C6: variants seen among roughly 807,000 people sequenced by gnomAD.
The protein encoded by C6 is complement C6, also known as complement component C6.
A neutral mutation model predicts 112.9 loss-of-function variants in C6; 101 were observed. The observed-to-expected ratio is 0.89, with a 90% CI of 0.76 to 1.06. The LOEUF is 1.06. Ranked by LOEUF, C6 falls within the 50% of genes least tolerant of loss-of-function variation. The pLI, the probability that C6 is intolerant of heterozygous loss-of-function variation, is 0.00. For missense variants in C6, 1,202 were observed against 1,104.6 expected (o/e 1.09, Z -1.25); for synonymous variants, 431 against 384.1 (o/e 1.12, Z -1.43).
At position 41,142,444 on chromosome 5, in the gene C6, GA is replaced by G. The variant is rs1243521354; in HGVS notation, c.*380del. The G allele has an allele frequency of 4.3e-6, 1 of 231,746 alleles. No individual in the cohort carries two copies. 14.4% of individuals were successfully genotyped at this position (231,746 alleles called of 1,614,324 possible). A position where few individuals can be genotyped will look rare whatever the true frequency, so the allele number is the denominator to read the frequency against. ...TCAAGAATGTGTTTCAGAGGTTCTGGAGATTTCTGTTTATTAACTCATTGAA... is the reference window on the plus strand; with the variant it reads ...TCAAGAATGTGTTTCAGAGGTTCTGGGATTTCTGTTTATTAACTCATTGAA... On this transcript the variant is annotated 3_prime_UTR_variant, in exon 18 of 18. Transcript: ENST00000337836.
At chr5:41,234,337 C>CA (rs1740100456) in intron 1 of C6, among the ~76,000 whole-genome samples, 2 of 139,126 alleles carry the variant, frequency 1.4e-5, no homozygotes, top group African/African-American at 5.9e-5. Context: ...TCTACCCTTT[C>CA]GTTTTTTTTT....
chr5:41,183,359 A>G (rs1274949241), intron 6 of C6, among the ~76,000 whole-genome samples: 1 of 152,082 alleles, frequency 6.6e-6, no homozygotes, highest in African/African-American at 2.4e-5. Context: ...CTGTGTTTTG[A>G]CCAACAAATA....
At chr5:41,150,866 A>G (rs1320849747) in intron 15 of C6, among the ~76,000 whole-genome samples, 1 of 149,178 alleles carries the variant, frequency 6.7e-6, no homozygotes, top group South Asian at 2.2e-4. Context: ...AGCCTGGGCA[A>G]CAGAGTAAGA....
chr5:41,222,165 CA>C (rs111738334), intron 1 of C6, among the ~76,000 whole-genome samples: 12,664 of 110,114 alleles, frequency 0.12, 934 homozygotes, highest in African/African-American at 0.25. Flanking sequence ...GACTCCATCT[CA>C]AAAAAAAAAA....
intron 5 of C6, chr5:41,186,495 G>T: frequency 2.6e-6 from 1 of 377,846 alleles, no homozygotes. Flanking sequence ...AATTTTTTAT[G>T]ACTTACAAAG....
Position 41,153,828 on chromosome 5 carries a change from A to G in C6, c.2272T>C (p.Ser758Pro), listed in dbSNP as rs1396300969. The G allele has an allele frequency of 6.2e-7, 1 of 1,612,956 alleles. No individual in the cohort carries two copies. The highest frequency in any genetic ancestry group is 1.7e-5 in the Admixed American group (1 of 59,968). The change falls in exon 15 of 18, where the codon TCT becomes CCT. Residue 758 changes from serine to proline, a missense_variant. Ser to Pro is a moderately conservative substitution (Grantham distance 74). Transcript: ENST00000337836. Reference sequence around the variant, plus strand: ...TACTCACCTTTTTCACAGGTGAGAGAGTTTGAAATGGGTGGTGTCCAGGAA... The same window carrying G: ...TACTCACCTTTTTCACAGGTGAGAGGGTTTGAAATGGGTGGTGTCCAGGAA... ...GNSWTPPISN[S>P]LTCEKDTLTK...
chr5:41,218,930 C>T (rs1420335501), intron 1 of C6, among the ~76,000 whole-genome samples: 1 of 152,132 alleles, frequency 6.6e-6, no homozygotes, highest in Non-Finnish European at 1.5e-5. Flanking sequence ...TTTCATAAGG[C>T]CCACCTTTTC....
At chr5:41,254,570 G>A (rs566893260) in intron 1 of C6, among the ~76,000 whole-genome samples, 2 of 152,200 alleles carry the variant, frequency 1.3e-5, no homozygotes, top group East Asian at 3.9e-4. Context: ...CTACCAAGTG[G>A]AGAGTGAAGA....
chr5:41,201,600 A>G lies in C6; in HGVS notation c.258T>C (p.Asp86=), dbSNP rs775409541. The change falls in exon 3 of 18, where the codon GAT becomes GAC. Residue 86 remains aspartate (D), a synonymous_variant. Transcript: ENST00000337836. ...GGTCACAGTCTGACCATGGTCCAAA[A>G]TCTCCCAGGAGGCAGTTGATGGGGC... ...QRCPINCLLG[D]FGPWSDCDPC... is the part of the protein sequence containing the mutation. 4.3e-6 allele frequency: 7 copies of G among 1,613,628 alleles called. No individual in the cohort carries two copies. The highest frequency in any genetic ancestry group is 3.3e-5 in the South Asian group (3 of 91,070).
chr5:41,156,483 A>G (rs557564406), intron 13 of C6, among the ~76,000 whole-genome samples: 15 of 152,334 alleles, frequency 9.8e-5, no homozygotes, highest in Admixed American at 4.6e-4. Flanking sequence ...TGCTGAAAGA[A>G]TACAAAACAT....
chr5:41,205,116 C>A (rs569838435), intron 1 of C6, among the ~76,000 whole-genome samples: 1 of 152,088 alleles, frequency 6.6e-6, no homozygotes, highest in Non-Finnish European at 1.5e-5. Context: ...GAAATAGAAG[C>A]CTTTATCACT....
chr5:41,198,635 A>C (rs1227704021), intron 4 of C6, among the ~76,000 whole-genome samples: 1 of 152,188 alleles, frequency 6.6e-6, no homozygotes, highest in Non-Finnish European at 1.5e-5. Flanking sequence ...CTGTGCTTAC[A>C]CTGCTAACCT....
intron 1 of C6, among the ~76,000 whole-genome samples, chr5:41,241,629 C>T (rs1300035217): frequency 1.3e-5 from 2 of 152,182 alleles, no homozygotes; most frequent in Middle Eastern, 3.4e-3. Context: ...TTCATAAAGC[C>T]TACTTGTGGT....
intron 1 of C6, among the ~76,000 whole-genome samples, chr5:41,210,351 G>A (rs1354060521): frequency 6.6e-6 from 1 of 152,162 alleles, no homozygotes; most frequent in Non-Finnish European, 1.5e-5. Context: ...GGCAACAAAA[G>A]CCAAAATTGA....
chr5:41,203,223 C>A lies in C6; in HGVS notation c.8G>T (p.Arg3Ile), dbSNP rs777030578. The A allele has an allele frequency of 1.5e-5, 24 of 1,614,030 alleles. No homozygotes were observed. Among genetic ancestry groups the A allele is most frequent in the Non-Finnish European group, 2.0e-5 (24 of 1,179,984 alleles). ...CAGGATGAAGTACAAGACAGAGCGTCTGGCCATGCCTTGAGAGCCTCCAGG... is the reference window on the plus strand; with the variant it reads ...CAGGATGAAGTACAAGACAGAGCGTATGGCCATGCCTTGAGAGCCTCCAGG... MA[R>I]RSVLYFILLN... Residue 3 changes from arginine to isoleucine, a missense_variant, in exon 2 of 18, where the codon AGA (arginine) becomes ATA (isoleucine). Physicochemically the swap from Arg to Ile is moderately conservative, Grantham distance 97. Coordinates refer to ENST00000337836, the MANE Select transcript of C6 (RefSeq NM_000065.5).
intron 1 of C6, among the ~76,000 whole-genome samples, chr5:41,254,645 G>A (rs1238312092): frequency 1.3e-5 from 2 of 152,170 alleles, no homozygotes; most frequent in Non-Finnish European, 2.9e-5. Flanking sequence ...ATAGATCAGA[G>A]ATTACCACTG....
rs766498964 is a variant in C6 at position 41,199,844 on chromosome 5, G to A, written c.369C>T (p.Ala123=). Residue 123 remains alanine, a synonymous_variant, in exon 4 of 18, where the codon GCC becomes GCT. Transcript: ENST00000337836. ...GGQPCTAPLV[A]FQPCIPSKLC... Reference sequence around the variant, plus strand: ...GCTTAGATGGAATGCATGGTTGAAAGGCTACCAGAGGCGCAGTGCATGGCT... The same window carrying A: ...GCTTAGATGGAATGCATGGTTGAAAAGCTACCAGAGGCGCAGTGCATGGCT... 9.3e-6 allele frequency: 15 copies of A among 1,613,542 alleles called. No individual in the cohort carries two copies. In the Admixed American group the frequency reaches 1.7e-4, roughly 18 times the overall value.
At chr5:41,248,462 T>TA (rs1741152431) in intron 1 of C6, among the ~76,000 whole-genome samples, 1 of 152,112 alleles carries the variant, frequency 6.6e-6, no homozygotes, top group Non-Finnish European at 1.5e-5. Flanking sequence ...ATTAGGAACT[T>TA]AAACAATTGA....
At chr5:41,163,916 T>C (rs907631397) in intron 9 of C6, among the ~76,000 whole-genome samples, 2 of 152,222 alleles carry the variant, frequency 1.3e-5, no homozygotes, top group African/African-American at 4.8e-5. Flanking sequence ...CTCTTCAATG[T>C]GTCTGTGACT....
Sources: allele counts gnomAD v4.1 joint callset (sites outside exome capture counted in the v4.1 genomes callset), GRCh38; gene constraint gnomAD v4.1.1; transcripts MANE v1.5; gene names NCBI Gene and HGNC (gene_info 2026-07-23, HGNC 2026-07-21).